KIF5B: variants seen among roughly 807,000 people sequenced by gnomAD.
The protein encoded by KIF5B is kinesin family member 5B, also known as kinesin-1 heavy chain.
A neutral mutation model predicts 132.8 loss-of-function variants in KIF5B; 49 were observed. The ratio of observed to expected loss-of-function variants is 0.37; its 90% CI spans 0.29 to 0.47. KIF5B has a LOEUF of 0.47. Among genes scored for constraint, KIF5B ranks in the 20% least tolerant of loss-of-function variants. The pLI is 1.00. For synonymous variants in KIF5B, 355 were observed against 369.4 expected, an observed-to-expected ratio of 0.96 and a Z score of 0.45; for missense variants, 780 against 1,144.0, an observed-to-expected ratio of 0.68 and a Z score of 4.59.
chr10:32,043,285 G>T (rs547872967), intron 2 of KIF5B, among the ~76,000 whole-genome samples: 2 of 152,198 alleles, frequency 1.3e-5, no homozygotes, highest in African/African-American at 4.8e-5. Context: ...TTACAGGCGT[G>T]AGCCACTGCG....
chr10:32,055,925 G>A lies in KIF5B; in HGVS notation c.49C>T (p.Pro17Ser). 1 of 1,611,944 alleles carries A rather than the reference G, an allele frequency of 6.2e-7. No individual in the cohort carries two copies. Among genetic ancestry groups the A allele is most frequent in the Non-Finnish European group, 8.5e-7 (1 of 1,179,928 alleles). Reference protein sequence around the residue: ...CNIKVMCRFRPLNESEVNRGD... With the variant: ...CNIKVMCRFRSLNESEVNRGD... ...CGGTTCACTTCAGACTCGTTGAGAG[G>A]TCTGAAGCGACACATCACTTTGATG... is the stretch of plus-strand genomic sequence containing the variant. Residue 17 changes from proline (P) to serine (S), a missense_variant, in exon 1 of 26, where the codon CCT becomes TCT. Physicochemically the swap from Pro to Ser is moderately conservative, Grantham distance 74. This residue lies in a region of KIF5B where 66 missense variants were observed against 83.4 expected (regional missense o/e 0.79). Coordinates refer to ENST00000302418, the MANE Select transcript of KIF5B (RefSeq NM_004521.3).
At chr10:32,031,528 A>C (rs996294108) in intron 13 of KIF5B, among the ~76,000 whole-genome samples, 1 of 152,200 alleles carries the variant, frequency 6.6e-6, no homozygotes, top group African/African-American at 2.4e-5. Flanking sequence ...AGGCACATGA[A>C]TAAGTGCAGT....
intron 2 of KIF5B, among the ~76,000 whole-genome samples, chr10:32,045,760 A>G (rs1439997268): frequency 2.6e-5 from 4 of 152,222 alleles, no homozygotes; most frequent in Non-Finnish European, 2.9e-5. Context: ...TTGGGCAAAT[A>G]CTAGAGTCAT....
At chr10:32,051,878 C>G (rs1212627883) in intron 1 of KIF5B, among the ~76,000 whole-genome samples, 1 of 152,166 alleles carries the variant, frequency 6.6e-6, no homozygotes, top group Non-Finnish European at 1.5e-5. Flanking sequence ...AAAAACTCAT[C>G]TGGACATCTG....
rs1276673547 is a variant in KIF5B at position 32,010,338 on chromosome 10, T to G, written c.*1199A>C. ...AAATACGTATACACTTAGTACTGAT[T>G]ACAAAATTATCGGCTATGGCCAAGA... On this transcript the variant is annotated 3_prime_UTR_variant, in exon 26 of 26. Transcript: ENST00000302418. The G allele has an allele frequency of 6.6e-6, 1 of 152,210 alleles. No homozygotes were observed. Among genetic ancestry groups the G allele is most frequent in the Admixed American group, 6.5e-5 (1 of 15,278 alleles). 9.4% of individuals were successfully genotyped at this position (152,210 alleles called of 1,614,324 possible). A position where few individuals can be genotyped will look rare whatever the true frequency, so the allele number is the denominator to read the frequency against.
chr10:32,032,621 C>G, intron 13 of KIF5B, 85 bp downstream of exon 13: 1 of 1,039,696 alleles, frequency 9.6e-7, no homozygotes, highest in Non-Finnish European at 1.5e-6. Flanking sequence ...CAAAATTATA[C>G]AACTATTAAA....
chr10:32,023,562 C>A (rs1841293009), intron 15 of KIF5B, among the ~76,000 whole-genome samples: 1 of 149,686 alleles, frequency 6.7e-6, no homozygotes, highest in South Asian at 2.1e-4. Flanking sequence ...AGTCAAAAGA[C>A]CCTGAATAGC....
At chr10:32,054,968 G>T (rs538402768) in intron 1 of KIF5B, among the ~76,000 whole-genome samples, 1 of 152,268 alleles carries the variant, frequency 6.6e-6, no homozygotes, top group Non-Finnish European at 1.5e-5. Context: ...CTTAACTGCA[G>T]AAGTATGAAT....
At position 32,022,965 on chromosome 10, in the gene KIF5B, T is replaced by G. The variant is rs1433375474; in HGVS notation, c.1797A>C (p.Ser599=). 6.2e-7 allele frequency: 1 copy of G among 1,613,574 alleles called. No individual in the cohort carries two copies. The highest frequency in any genetic ancestry group is 2.2e-5 in the East Asian group (1 of 44,848). Residue 599 remains serine, a synonymous_variant, in exon 16 of 26, where the codon TCA becomes TCC. Transcript: ENST00000302418. Reference sequence around the variant, plus strand: ...AACGTTTCACCATGGTTTTTACTTCTGACTTCATTTTGCTAATGTAGAGTC... The same window carrying G: ...AACGTTTCACCATGGTTTTTACTTCGGACTTCATTTTGCTAATGTAGAGTC... ...VARLYISKMK[S]EVKTMVKRCK...
intron 2 of KIF5B, among the ~76,000 whole-genome samples, chr10:32,048,236 G>C (rs1841640022): frequency 6.6e-6 from 1 of 152,158 alleles, no homozygotes; most frequent in South Asian, 2.1e-4. Flanking sequence ...GTGTAACATA[G>C]TTCTCATAAT....
chr10:32,014,321 G>A (rs74333406), intron 25 of KIF5B, among the ~76,000 whole-genome samples: 35,172 of 151,612 alleles, frequency 0.23, 4,237 homozygotes, highest in East Asian at 0.48. Context: ...AACCTGGGAA[G>A]CAGAGGTTGC....
At chr10:32,015,010 A>C (rs1213866041) in intron 25 of KIF5B, among the ~76,000 whole-genome samples, 1 of 151,990 alleles carries the variant, frequency 6.6e-6, no homozygotes, top group Non-Finnish European at 1.5e-5. Flanking sequence ...CTGTAATCCC[A>C]GTTTGGGAGG....
In KIF5B at chr10:32,022,048, CCTA is replaced by C. The variant is rs1841270871; in HGVS notation, c.2032+89_2032+91del. 8.4e-5 allele frequency: 56 copies of C among 668,940 alleles called. No homozygotes were observed. In the South Asian group the frequency reaches 1.1e-3, roughly 13 times the overall value. The allele number at this position is 668,940 out of a possible 1,614,324, so 41.4% of individuals were successfully genotyped here. ...TTTACCATTCGAAATCAGCCATATTCCTACTATTTCTTTCAGTGTGAATATTAA... is the reference window on the plus strand; with the variant it reads ...TTTACCATTCGAAATCAGCCATATTCCTATTTCTTTCAGTGTGAATATTAA... On this transcript the variant is annotated intron_variant, in intron 17 of 25. Transcript: ENST00000302418.
chr10:32,035,665 T>C lies in KIF5B; in HGVS notation c.819A>G (p.Thr273=). ...TTTTACTATCTCGATATGGAACATATGTCTGCATACAAAAACAAAGAAAGA... is the reference window on the plus strand; with the variant it reads ...TTTTACTATCTCGATATGGAACATACGTCTGCATACAAAAACAAAGAAAGA... ...NVISALAEGS[T]YVPYRDSKMT... is the part of the protein sequence containing the mutation. The change falls in exon 10 of 26, where the codon ACA becomes ACG. Residue 273 remains threonine (T), a splice_region_variant and synonymous_variant. Transcript: ENST00000302418. 6.3e-7 allele frequency: 1 copy of C among 1,598,040 alleles called. No individual in the cohort carries two copies. The highest frequency in any genetic ancestry group is 8.5e-7 in the Non-Finnish European group (1 of 1,174,970).
chr10:32,027,922 T>C (rs1460027140), intron 15 of KIF5B, among the ~76,000 whole-genome samples: 1 of 152,190 alleles, frequency 6.6e-6, no homozygotes, highest in Non-Finnish European at 1.5e-5. Flanking sequence ...ATCTTAATTG[T>C]TGTTCCAATC....
At position 32,056,200 on chromosome 10, in the gene KIF5B, T is replaced by TGGC. The variant is rs879259305; in HGVS notation, c.-230_-228dup. The stretch of plus-strand genomic sequence containing the variant: ...CACTTCCGATCCATCATGGCAGCCA[T>TGGC]GGCGGCGGCAGCGGCGGCGGCACCG... On this transcript the variant is annotated 5_prime_UTR_variant, in exon 1 of 26. Coordinates refer to ENST00000302418, the MANE Select transcript of KIF5B (RefSeq NM_004521.3). The TGGC allele has an allele frequency of 1.4e-3, 698 of 496,730 alleles. 5 individuals carry two copies. Among genetic ancestry groups the TGGC allele is most frequent in the African/African-American group, 0.013 (602 of 47,902 alleles). 30.8% of individuals were successfully genotyped at this position (496,730 alleles called of 1,614,324 possible). A position where few individuals can be genotyped will look rare whatever the true frequency, so the allele number is the denominator to read the frequency against.
chr10:32,034,580 A>G (rs958585706), intron 11 of KIF5B, 110 bp downstream of exon 11: 60 of 736,228 alleles, frequency 8.1e-5, no homozygotes, highest in Non-Finnish European at 9.3e-5. Context: ...TTCGATGTCT[A>G]TTAAATTTCT....
intron 25 of KIF5B, among the ~76,000 whole-genome samples, chr10:32,013,427 A>C (rs936117037): frequency 1.3e-5 from 2 of 152,232 alleles, no homozygotes; most frequent in Non-Finnish European, 2.9e-5. Context: ...ACTACACATA[A>C]AAACAATCAG....
chr10:32,024,779 C>T (rs1841313071), intron 15 of KIF5B, among the ~76,000 whole-genome samples: 1 of 150,486 alleles, frequency 6.6e-6, no homozygotes, highest in Non-Finnish European at 1.5e-5. Flanking sequence ...TAAAACAAAA[C>T]AAAACTCAAC....
Sources: gnomAD v4.1 joint callset for allele counts (sites outside exome capture counted in the v4.1 genomes callset) on GRCh38, gnomAD v4.1.1 for gene constraint, gnomAD v4.1.1 regional missense constraint, MANE v1.5 for transcripts, NCBI Gene and HGNC (gene_info 2026-07-23, HGNC 2026-07-21) for gene names.